DLG2: variants seen among roughly 807,000 people sequenced by gnomAD.
The protein encoded by DLG2 is disks large homolog 2.
Under a neutral mutation model 132.5 loss-of-function variants are expected in DLG2, and 45 were observed. The observed-to-expected ratio is 0.34, with a 90% CI of 0.27 to 0.44. The LOEUF (loss-of-function observed/expected upper bound fraction) is 0.44, where lower values mean the gene tolerates loss of function less well. Among genes scored for constraint, DLG2 ranks in the 20% least tolerant of loss-of-function variants. DLG2 has a pLI of 1.00. For missense variants in DLG2, 1,045 were observed against 1,196.9 expected (o/e 0.87, Z 1.87); for synonymous variants, 424 against 419.6 (o/e 1.01, Z -0.13).
intron 14 of DLG2, among the ~76,000 whole-genome samples, chr11:83,930,954 G>A (rs2080080504): frequency 6.6e-6 from 1 of 152,128 alleles, no homozygotes; most frequent in Non-Finnish European, 1.5e-5. Context: ...ATATGGAGTG[G>A]CACTATACCA....
intron 16 of DLG2, among the ~76,000 whole-genome samples, chr11:83,835,221 G>A (rs1271767171): frequency 2.6e-5 from 4 of 152,124 alleles, no homozygotes; most frequent in Non-Finnish European, 4.4e-5. Flanking sequence ...CAGAATGTTT[G>A]CAAACAAAAC....
intron 4 of DLG2, among the ~76,000 whole-genome samples, chr11:85,210,272 C>A (rs903488290): frequency 2.6e-5 from 4 of 151,788 alleles, no homozygotes; most frequent in Non-Finnish European, 4.4e-5. Flanking sequence ...ATGAATAAGC[C>A]CTCATGTCTC....
chr11:84,538,734 G>A (rs564223324), intron 6 of DLG2, among the ~76,000 whole-genome samples: 1 of 152,228 alleles, frequency 6.6e-6, no homozygotes, highest in South Asian at 2.1e-4. Flanking sequence ...GAGGAGACTG[G>A]AAGGCAGATT....
intron 7 of DLG2, among the ~76,000 whole-genome samples, chr11:84,382,650 A>G (rs532872650): frequency 2.6e-5 from 4 of 152,206 alleles, no homozygotes; most frequent in East Asian, 1.9e-4. Flanking sequence ...TTAAATACCA[A>G]TTTGGCTTTC....
chr11:84,838,196 A>G (rs563089490), intron 6 of DLG2, among the ~76,000 whole-genome samples: 97 of 151,934 alleles, frequency 6.4e-4, no homozygotes, highest in Non-Finnish European at 1.2e-3. Context: ...ATATACCTCA[A>G]ATTACCATGA....
intron 21 of DLG2, among the ~76,000 whole-genome samples, chr11:83,493,383 CCTTCCTTCCTTT>C (rs1371869615): frequency 7.9e-5 from 9 of 114,322 alleles, no homozygotes; most frequent in African/African-American, 3.2e-4. Context: ...TTCCTTCCTT[CCTTCCTTCCTTT>C]CTCTCTCTTT....
At chr11:84,120,418 A>T (rs1395071637) in intron 9 of DLG2, among the ~76,000 whole-genome samples, 1 of 152,184 alleles carries the variant, frequency 6.6e-6, no homozygotes, top group Non-Finnish European at 1.5e-5. Flanking sequence ...ATTAAAGGGG[A>T]TACACCGGTA....
intron 3 of DLG2, among the ~76,000 whole-genome samples, chr11:85,557,475 CAA>C (rs1013365708): frequency 4.6e-5 from 7 of 151,554 alleles, no homozygotes; most frequent in African/African-American, 1.5e-4. Flanking sequence ...CATACAGAAC[CAA>C]AAAAGAGTCT....
intron 18 of DLG2, among the ~76,000 whole-genome samples, chr11:83,769,081 A>G (rs954068521): frequency 1.3e-5 from 2 of 152,250 alleles, no homozygotes; most frequent in African/African-American, 2.4e-5. Flanking sequence ...AACAAGTATT[A>G]TAACTAGTTA....
chr11:83,962,948 G>C lies in DLG2; in HGVS notation c.1277C>G (p.Pro426Arg). 1 of 1,613,194 alleles carries C rather than the reference G, an allele frequency of 6.2e-7. No individual in the cohort carries two copies. Among genetic ancestry groups the C allele is most frequent in the South Asian group, 1.1e-5 (1 of 91,060 alleles). ...GTLEYKTSLP[P>R]ISPGRYSPIP... ...TGGTGAGTACCTTCCTGGAGAGATG[G>C]GTGGCAGGGAGGTTTTATATTCTAA... Residue 426 changes from proline (P) to arginine (R), a missense_variant, in exon 14 of 28, where the codon CCC (proline) becomes CGC (arginine). Around this residue, in one of 4 missense-constraint regions of DLG2, gnomAD observed 261 missense variants for 256.1 expected, o/e 1.02. Coordinates refer to ENST00000376104, the MANE Select transcript of DLG2 (RefSeq NM_001142699.3).
intron 3 of DLG2, among the ~76,000 whole-genome samples, chr11:85,317,443 C>G (rs1012075029): frequency 2.0e-5 from 3 of 151,758 alleles, no homozygotes; most frequent in African/African-American, 7.3e-5. Flanking sequence ...GTAGCAGGCC[C>G]TAACCTAGAA....
chr11:84,508,488 C>T (rs749962583), intron 7 of DLG2, among the ~76,000 whole-genome samples: 9 of 151,174 alleles, frequency 6.0e-5, no homozygotes, highest in Admixed American at 3.3e-4. Flanking sequence ...CTGCAACCTC[C>T]GTCTCCCGGG....
intron 6 of DLG2, among the ~76,000 whole-genome samples, chr11:84,642,406 A>C (rs1284728714): frequency 6.6e-6 from 1 of 152,142 alleles, no homozygotes; most frequent in Non-Finnish European, 1.5e-5. Context: ...ATCCAGATAC[A>C]TATTTTGCTA....
chr11:83,486,113 G>A, intron 21 of DLG2: 2 of 581,438 alleles, frequency 3.4e-6, no homozygotes, highest in Non-Finnish European at 6.1e-6. Flanking sequence ...ATTTAGGGTT[G>A]GTGTCCAAAA....
intron 3 of DLG2, among the ~76,000 whole-genome samples, chr11:85,461,528 G>C (rs1329338910): frequency 6.6e-6 from 1 of 152,230 alleles, no homozygotes; most frequent in Non-Finnish European, 1.5e-5. Context: ...GCAATACTGA[G>C]AGTGAGAGAA....
intron 7 of DLG2, among the ~76,000 whole-genome samples, chr11:84,278,280 G>T (rs967563144): frequency 6.6e-5 from 10 of 152,052 alleles, no homozygotes; most frequent in African/African-American, 2.2e-4. Context: ...TAATCAAGAA[G>T]AAATAAGTAC....
intron 3 of DLG2, among the ~76,000 whole-genome samples, chr11:85,431,041 G>GTT (rs530681590): frequency 7.5e-4 from 114 of 152,004 alleles, no homozygotes; most frequent in African/African-American, 2.7e-3. Context: ...TAATTTTTTA[G>GTT]TTTTTTTTAT....
chr11:85,144,046 G>A (rs2076674826), intron 5 of DLG2, among the ~76,000 whole-genome samples: 1 of 151,762 alleles, frequency 6.6e-6, no homozygotes, highest in Admixed American at 6.6e-5. Context: ...AGCTAGTATT[G>A]TATTGTGGTC....
intron 8 of DLG2, among the ~76,000 whole-genome samples, chr11:84,219,000 C>T (rs2096877690): frequency 6.6e-6 from 1 of 152,158 alleles, no homozygotes; most frequent in Non-Finnish European, 1.5e-5. Context: ...GGTACCTTAA[C>T]TTGTATCTCC....
Sources: allele counts gnomAD v4.1 joint callset (sites outside exome capture counted in the v4.1 genomes callset), GRCh38; gene constraint gnomAD v4.1.1; regional missense constraint gnomAD v4.1.1; transcripts MANE v1.5; gene names NCBI Gene and HGNC (gene_info 2026-07-23, HGNC 2026-07-21).